Variants in SLC44A5 observed in about 807,000 individuals in gnomAD.
The protein encoded by SLC44A5 is choline transporter-like protein 5.
Under a neutral mutation model 101.8 loss-of-function variants are expected in SLC44A5, and 57 were observed. The observed-to-expected ratio is 0.56, with a 90% CI of 0.45 to 0.70. The LOEUF (loss-of-function observed/expected upper bound fraction) is 0.70. Ranked by LOEUF, SLC44A5 falls within the 30% of genes least tolerant of loss-of-function variation. The pLI is 0.00. For synonymous variants in SLC44A5, 281 were observed against 290.9 expected (o/e 0.97, Z 0.35); for missense variants, 737 against 853.1 (o/e 0.86, Z 1.70).
At chr1:75,722,295 C>T in the SLC44A5 span, among the ~76,000 whole-genome samples, 4 of 152,036 alleles carry the variant, frequency 2.6e-5, no homozygotes, top group South Asian at 4.2e-4. Context: ...CTTTCCTTTC[C>T]GTCTAATTAG....
chr1:75,339,660 T>C (rs765783357), intron 3 of SLC44A5, 30 bp from the exon 4 acceptor site: 4 of 1,574,370 alleles, frequency 2.5e-6, no homozygotes, highest in Non-Finnish European at 2.6e-6. Context: ...ATTTTAAGCA[T>C]ATAAGCCAGC....
chr1:75,608,374 A>G (rs1675451171), intron 1 of SLC44A5, among the ~76,000 whole-genome samples: 1 of 151,636 alleles, frequency 6.6e-6, no homozygotes, highest in Non-Finnish European at 1.5e-5. Flanking sequence ...ACAATGGAGT[A>G]TTATTCAGCC....
At chr1:75,327,535 G>T (rs1490095366) in intron 4 of SLC44A5, among the ~76,000 whole-genome samples, 1 of 152,092 alleles carries the variant, frequency 6.6e-6, no homozygotes, top group Non-Finnish European at 1.5e-5. Context: ...ATTTGGGTAA[G>T]CTCATACCAA....
the SLC44A5 span, among the ~76,000 whole-genome samples, chr1:75,618,103 G>A: frequency 6.6e-6 from 1 of 152,182 alleles, no homozygotes; most frequent in South Asian, 2.1e-4. Context: ...ATGTGAAATA[G>A]AATATTTCTG....
the SLC44A5 span, among the ~76,000 whole-genome samples, chr1:75,661,386 G>GAAAAAAA: frequency 9.6e-5 from 1 of 10,376 alleles, no homozygotes; most frequent in Non-Finnish European, 1.6e-4. Context: ...ACTACTGCAA[G>GAAAAAAA]TAAAAAAAAA....
intron 1 of SLC44A5, among the ~76,000 whole-genome samples, chr1:75,583,040 G>A (rs1461270960): frequency 6.6e-6 from 1 of 152,238 alleles, no homozygotes; most frequent in East Asian, 1.9e-4. Flanking sequence ...GTATTAAAAA[G>A]TTCAGTCTTG....
the SLC44A5 span, among the ~76,000 whole-genome samples, chr1:75,626,495 T>C: frequency 0.053 from 8,052 of 152,234 alleles, 243 homozygotes; most frequent in Middle Eastern, 0.085. Flanking sequence ...CCTACTCTTG[T>C]GTTGCTCTTG....
chr1:75,723,117 T>C, the SLC44A5 span, among the ~76,000 whole-genome samples: 19 of 152,178 alleles, frequency 1.2e-4, no homozygotes, highest in African/African-American at 4.1e-4. Context: ...TCAGGACAAG[T>C]ACAGAGGTCC....
At chr1:75,216,216 C>T (rs1032135553) in intron 18 of SLC44A5, among the ~76,000 whole-genome samples, 1 of 151,984 alleles carries the variant, frequency 6.6e-6, no homozygotes, top group Non-Finnish European at 1.5e-5. Context: ...AGGAATCATA[C>T]AATATTTACC....
intron 2 of SLC44A5, among the ~76,000 whole-genome samples, chr1:75,476,486 C>T (rs974804576): frequency 2.6e-5 from 4 of 152,158 alleles, no homozygotes; most frequent in African/African-American, 9.6e-5. Context: ...TCAGGGAGTT[C>T]TCTTTCCTAG....
chr1:75,359,551 T>G (rs953258684), intron 3 of SLC44A5, among the ~76,000 whole-genome samples: 6 of 152,122 alleles, frequency 3.9e-5, no homozygotes, highest in Non-Finnish European at 8.8e-5. Context: ...ATACCACATT[T>G]TCTTTATCCA....
At chr1:75,685,033 A>G in the SLC44A5 span, among the ~76,000 whole-genome samples, 3 of 152,094 alleles carry the variant, frequency 2.0e-5, no homozygotes, top group Non-Finnish European at 4.4e-5. Flanking sequence ...CCAAACCTCA[A>G]TTCTCAACTT....
At chr1:75,708,328 C>A in the SLC44A5 span, among the ~76,000 whole-genome samples, 1 of 140,776 alleles carries the variant, frequency 7.1e-6, no homozygotes, top group African/African-American at 2.7e-5. Context: ...ACAGGAGAAT[C>A]GCTTGAACCC....
At chr1:75,478,917 G>C (rs911137539) in intron 2 of SLC44A5, among the ~76,000 whole-genome samples, 1 of 152,154 alleles carries the variant, frequency 6.6e-6, no homozygotes, top group Non-Finnish European at 1.5e-5. Flanking sequence ...GACATCTACA[G>C]AACTCTCCAC....
chr1:75,683,009 T>G, the SLC44A5 span, among the ~76,000 whole-genome samples: 5 of 152,018 alleles, frequency 3.3e-5, no homozygotes, highest in Admixed American at 3.3e-4. Context: ...GAAAAAATGC[T>G]CACCATCACT....
At chr1:75,703,467 C>T in the SLC44A5 span, among the ~76,000 whole-genome samples, 1 of 151,186 alleles carries the variant, frequency 6.6e-6, no homozygotes, top group Non-Finnish European at 1.5e-5. Flanking sequence ...ACAATAAGAA[C>T]ACATGGACAC....
chr1:75,424,463 G>A (rs953602116), intron 2 of SLC44A5, among the ~76,000 whole-genome samples: 7 of 152,090 alleles, frequency 4.6e-5, no homozygotes, highest in South Asian at 2.1e-4. Flanking sequence ...GTGCCACTGC[G>A]CCTGGCTAAT....
intron 3 of SLC44A5, among the ~76,000 whole-genome samples, chr1:75,385,698 A>T (rs1661278527): frequency 1.3e-5 from 2 of 152,306 alleles, no homozygotes; most frequent in East Asian, 1.9e-4. Flanking sequence ...CTCCTCCCTA[A>T]CTCATTTTAT....
chr1:75,429,606 G>C (rs1257339798), intron 2 of SLC44A5, among the ~76,000 whole-genome samples: 1 of 152,152 alleles, frequency 6.6e-6, no homozygotes, highest in African/African-American at 2.4e-5. Context: ...AGCTCTGCAG[G>C]CTGTATAAGA....
Sources: gnomAD v4.1 joint callset for allele counts (sites outside exome capture counted in the v4.1 genomes callset) on GRCh38, gnomAD v4.1.1 for gene constraint, MANE v1.5 for transcripts, NCBI Gene and HGNC (gene_info 2026-07-23, HGNC 2026-07-21) for gene names.